AOPEP: variants seen among roughly 807,000 people sequenced by gnomAD.
The protein encoded by AOPEP is aminopeptidase O.
Under a neutral mutation model 98.1 loss-of-function variants are expected in AOPEP, and 77 were observed. The observed-to-expected ratio is 0.78, with a 90% confidence interval of 0.65 to 0.95. The LOEUF (loss-of-function observed/expected upper bound fraction) is 0.95, where lower values mean the gene tolerates loss of function less well. Among genes scored for constraint, AOPEP ranks in the 40% least tolerant of loss-of-function variants. The probability of loss-of-function intolerance (pLI) is 0.00; values close to 1 mark genes in which losing one functional copy is unlikely to be tolerated. For synonymous variants in AOPEP, 346 were observed against 365.3 expected (o/e 0.95, Z 0.60); for missense variants, 1,024 against 1,024.7 (o/e 1.00, Z 0.01).
intron 13 of AOPEP, among the ~76,000 whole-genome samples, chr9:95,035,703 T>TGGA (rs2064756020): frequency 6.6e-6 from 1 of 151,816 alleles, no homozygotes; most frequent in Non-Finnish European, 1.5e-5. Context: ...TTTTTTTTAG[T>TGGA]AGAGACGAGG....
chr9:94,903,910 A>AAAAG (rs1017833868), intron 5 of AOPEP, among the ~76,000 whole-genome samples: 1 of 151,160 alleles, frequency 6.6e-6, no homozygotes, highest in African/African-American at 2.4e-5. Flanking sequence ...AAAAAAAAAA[A>AAAAG]AAGTTCAAAA....
intron 13 of AOPEP, among the ~76,000 whole-genome samples, chr9:95,006,886 G>T (rs1414799313): frequency 6.8e-6 from 1 of 147,402 alleles, no homozygotes; most frequent in Non-Finnish European, 1.5e-5. Context: ...TTTAAAAAAT[G>T]TGTCGTTGCT....
At chr9:95,045,168 A>G (rs888605179) in intron 13 of AOPEP, among the ~76,000 whole-genome samples, 1 of 152,206 alleles carries the variant, frequency 6.6e-6, no homozygotes, top group African/African-American at 2.4e-5. Context: ...TCTCCAGCCA[A>G]CGGCGCCCCT....
chr9:95,107,632 A>G, the AOPEP span: 1 of 399,064 alleles, frequency 2.5e-6, no homozygotes, highest in Admixed American at 3.9e-5. Flanking sequence ...CCACAAATCA[A>G]TTAAAGCCCC....
intron 13 of AOPEP, among the ~76,000 whole-genome samples, chr9:95,016,104 C>A (rs916115436): frequency 6.6e-5 from 10 of 151,340 alleles, no homozygotes; most frequent in Non-Finnish European, 1.0e-4. Flanking sequence ...TACTCTCACT[C>A]TTTTTTCCTT....
chr9:95,126,783 C>A, the AOPEP span: 3 of 590,732 alleles, frequency 5.1e-6, no homozygotes, highest in Non-Finnish European at 9.2e-6. Flanking sequence ...GCAGGGGTTA[C>A]AGGCAGCTTA....
intron 7 of AOPEP, among the ~76,000 whole-genome samples, chr9:94,950,327 C>G (rs911057594): frequency 2.6e-5 from 4 of 152,202 alleles, no homozygotes; most frequent in African/African-American, 9.7e-5. Context: ...CCAGGAGGAG[C>G]TCTGGCTGAG....
chr9:94,926,937 A>T (rs907726518), intron 6 of AOPEP, among the ~76,000 whole-genome samples: 1 of 152,192 alleles, frequency 6.6e-6, no homozygotes, highest in East Asian at 1.9e-4. Flanking sequence ...CAACCTGGAG[A>T]AAGTCTAAAT....
At position 94,837,249 on chromosome 9, in the gene AOPEP, T is replaced by C. The variant is rs192679966; in HGVS notation, c.1364+36247T>C. On this transcript the variant is annotated intron_variant, in intron 5 of 16. Transcript: ENST00000375315. ...AACAGAACAATAACAAGCAGTGAGA[T>C]TGAAATGGTAATAAAAAAAATTACC... Among the ~76,000 whole-genome samples, 11 of 152,224 alleles carry C rather than the reference T, an allele frequency of 7.2e-5. No homozygotes were observed. In the East Asian group the frequency reaches 2.1e-3, roughly 29 times the overall value.
intron 10 of AOPEP, among the ~76,000 whole-genome samples, chr9:94,969,331 G>C (rs945160553): frequency 2.6e-5 from 4 of 151,818 alleles, no homozygotes; most frequent in African/African-American, 9.7e-5. Context: ...CAATGTTTGG[G>C]GTTAAAATAC....
At chr9:94,862,474 G>A (rs1280079160) in intron 5 of AOPEP, among the ~76,000 whole-genome samples, 3 of 152,176 alleles carry the variant, frequency 2.0e-5, no homozygotes, top group East Asian at 1.9e-4. Flanking sequence ...GTTTCCAGAG[G>A]CCACACGTCT....
the AOPEP span, among the ~76,000 whole-genome samples, chr9:95,111,875 C>T: frequency 2.0e-5 from 3 of 152,092 alleles, no homozygotes; most frequent in Non-Finnish European, 4.4e-5. Context: ...CTTTGGACAT[C>T]GGAGTCTTTA....
intron 11 of AOPEP, among the ~76,000 whole-genome samples, chr9:94,991,740 T>G (rs950985275): frequency 6.6e-6 from 1 of 152,246 alleles, no homozygotes; most frequent in East Asian, 1.9e-4. Context: ...TTCACAAATA[T>G]GTGTCATGGA....
chr9:95,086,189 C>T, intron 16 of AOPEP: 1 of 1,305,262 alleles, frequency 7.7e-7, no homozygotes, highest in Non-Finnish European at 1.0e-6. Flanking sequence ...CACCCTGCGT[C>T]CACCCCGGCC....
At chr9:95,098,478 T>C in the AOPEP span, among the ~76,000 whole-genome samples, 2 of 152,134 alleles carry the variant, frequency 1.3e-5, no homozygotes, top group Admixed American at 1.3e-4. Flanking sequence ...GTCTTAGCAT[T>C]TCCTGTCTGC....
At chr9:94,907,776 C>T (rs1048732522) in intron 5 of AOPEP, among the ~76,000 whole-genome samples, 3 of 152,156 alleles carry the variant, frequency 2.0e-5, no homozygotes, top group African/African-American at 7.2e-5. Context: ...AAGGTGCAGG[C>T]AGCTAGCTAG....
At chr9:95,006,924 C>G (rs1365498658) in intron 13 of AOPEP, among the ~76,000 whole-genome samples, 3 of 132,696 alleles carry the variant, frequency 2.3e-5, no homozygotes, top group African/African-American at 5.7e-5. Flanking sequence ...TTTTTTGAGA[C>G]GGAGTCTTGC....
Position 94,924,097 on chromosome 9 carries a change from C to T in AOPEP, c.1476C>T (p.Ala492=). The T allele has an allele frequency of 6.6e-7, 1 of 1,515,374 alleles. No homozygotes were observed. The highest frequency in any genetic ancestry group is 2.6e-5 in the East Asian group (1 of 37,998). 93.9% of individuals were successfully genotyped at this position (1,515,374 alleles called of 1,614,324 possible). Reference sequence around the variant, plus strand: ...CCTGGTTTGGCCTAGCCATCGGGGCCCGAGACTGGACGGAGGAGTGGCTGA... The same window carrying T: ...CCTGGTTTGGCCTAGCCATCGGGGCTCGAGACTGGACGGAGGAGTGGCTGA... ...AHAWFGLAIG[A]RDWTEEWLSE... Residue 492 remains alanine (A), a synonymous_variant, in exon 6 of 17, where the codon GCC becomes GCT. Transcript: ENST00000375315.
intron 5 of AOPEP, among the ~76,000 whole-genome samples, chr9:94,890,454 T>C (rs1196671130): frequency 6.6e-6 from 1 of 152,222 alleles, no homozygotes; most frequent in Non-Finnish European, 1.5e-5. Context: ...TGAGCCACTA[T>C]GCCTGGCTGT....
Sources: allele counts gnomAD v4.1 joint callset (sites outside exome capture counted in the v4.1 genomes callset), GRCh38; gene constraint gnomAD v4.1.1; transcripts MANE v1.5; gene names NCBI Gene and HGNC (gene_info 2026-07-23, HGNC 2026-07-21).